HERC4: variants seen among roughly 807,000 people sequenced by gnomAD.
HERC4 encodes HECT and RLD domain containing E3 ubiquitin protein ligase 4, also known as probable E3 ubiquitin-protein ligase HERC4.
HERC4 carries 28 observed loss-of-function variants against 124.3 expected under a neutral mutation model. That is an observed-to-expected ratio of 0.23 (90% confidence interval 0.17 to 0.31). The LOEUF (loss-of-function observed/expected upper bound fraction) is 0.31. HERC4 is among the 10% of genes least tolerant of loss of function. The probability of loss-of-function intolerance (pLI) is 1.00; values close to 1 mark genes in which losing one functional copy is unlikely to be tolerated. For synonymous variants in HERC4, 407 were observed against 421.5 expected (o/e 0.97, Z 0.42); for missense variants, 713 against 1,229.3 (o/e 0.58, Z 6.28).
intron 15 of HERC4, among the ~76,000 whole-genome samples, chr10:67,985,076 A>G (rs1221853997): frequency 6.6e-6 from 1 of 152,238 alleles, no homozygotes; most frequent in Non-Finnish European, 1.5e-5. Context: ...ATATATTCGC[A>G]TAGTAGATAA....
At chr10:68,051,680 A>ACTTTT (rs1356581656) in intron 3 of HERC4, among the ~76,000 whole-genome samples, 2 of 142,270 alleles carry the variant, frequency 1.4e-5, no homozygotes, top group African/African-American at 2.6e-5. Context: ...TATTCTTTCA[A>ACTTTT]CTTTTCTTTT....
At chr10:68,028,385 T>A (rs752904958) in intron 7 of HERC4, among the ~76,000 whole-genome samples, 7 of 152,230 alleles carry the variant, frequency 4.6e-5, no homozygotes, top group Non-Finnish European at 8.8e-5. Context: ...TTCCATTTTT[T>A]GCAGTCATTA....
At chr10:68,071,488 G>A (rs1250118998) in intron 3 of HERC4, among the ~76,000 whole-genome samples, 2 of 152,052 alleles carry the variant, frequency 1.3e-5, no homozygotes, top group Non-Finnish European at 2.9e-5. Flanking sequence ...ATTTCTATGG[G>A]GCATGCTAAA....
chr10:67,927,422 ATATATATATTTTTT>A (rs1564911297), intron 23 of HERC4, among the ~76,000 whole-genome samples: 9 of 7,210 alleles, frequency 1.2e-3, no homozygotes, highest in African/African-American at 3.5e-3. Flanking sequence ...ATATATATAT[ATATATATATTTTTT>A]TTTTTTTTTA....
chr10:68,002,599 C>CT (rs375700847), intron 9 of HERC4, among the ~76,000 whole-genome samples: 59,231 of 132,484 alleles, frequency 0.45, 16,942 homozygotes, highest in Non-Finnish European at 0.64. Context: ...TAAATTTTTA[C>CT]TTTTTTTTTT....
In HERC4 at chr10:67,956,892, C is replaced by T; in HGVS notation, c.2011G>A (p.Val671Ile). 6.4e-7 allele frequency: 1 copy of T among 1,573,440 alleles called. No individual in the cohort carries two copies. Among genetic ancestry groups the T allele is most frequent in the Non-Finnish European group, 8.6e-7 (1 of 1,160,412 alleles). The change falls in exon 17 of 25, where the codon GTC becomes ATC. Residue 671 changes from valine (V) to isoleucine (I), a missense_variant. By Grantham distance (29) the Val-to-Ile change is conservative. Transcript: ENST00000373700. ...AKTTLLQTDA[V>I]LQMQMAIDQA... ...TAATATTTTACCTGCATCTGTAAGA[C>T]TGCATCGGTCTGTAACAGAGTAGTT...
At chr10:68,051,512 T>C (rs2040303773) in intron 3 of HERC4, among the ~76,000 whole-genome samples, 1 of 137,078 alleles carries the variant, frequency 7.3e-6, no homozygotes, top group Admixed American at 6.9e-5. Flanking sequence ...GCCCAGCTAG[T>C]TTTTTTTTGG....
chr10:68,059,132 TA>T (rs1343450739), intron 3 of HERC4, among the ~76,000 whole-genome samples: 3 of 152,052 alleles, frequency 2.0e-5, no homozygotes, highest in African/African-American at 4.8e-5. Flanking sequence ...AAACTGTCTT[TA>T]AAAAAAGTTA....
intron 3 of HERC4, chr10:68,069,353 AACAG>A (rs1401645426): frequency 3.0e-6 from 3 of 984,764 alleles, no homozygotes; most frequent in Admixed American, 6.1e-5. Context: ...ATGAAAGTGA[AACAG>A]ACATTCACTT....
intron 9 of HERC4, among the ~76,000 whole-genome samples, chr10:68,013,363 A>G (rs1589322774): frequency 6.6e-6 from 1 of 152,232 alleles, no homozygotes; most frequent in Admixed American, 6.5e-5. Flanking sequence ...TGAGCCCACA[A>G]TATCTCCAAG....
At chr10:68,038,002 A>G in intron 5 of HERC4, 91 bp downstream of exon 5, 2 of 716,888 alleles carry the variant, frequency 2.8e-6, no homozygotes, top group Non-Finnish European at 4.7e-6. Flanking sequence ...AATCTTGCAG[A>G]AAGATGAGCA....
intron 23 of HERC4, among the ~76,000 whole-genome samples, chr10:67,931,047 G>A (rs192672168): frequency 3.3e-5 from 5 of 152,004 alleles, no homozygotes; most frequent in Non-Finnish European, 7.4e-5. Flanking sequence ...GTGCAGTGGC[G>A]CAATCTCACT....
chr10:67,993,770 C>T (rs1237310894), intron 9 of HERC4: 1 of 152,036 alleles, frequency 6.6e-6, no homozygotes, highest in African/African-American at 2.4e-5. Context: ...TATTCCGGGC[C>T]TCTTTTTTTT....
In HERC4 at chr10:68,059,509, T is replaced by C. The variant is rs111123308; in HGVS notation, c.226+13374A>G. 2.6e-3 allele frequency among the ~76,000 whole-genome samples: 239 copies of C among 92,540 alleles called. 1 individual carries two copies. The highest frequency in any genetic ancestry group is 4.6e-3 in the Middle Eastern group (1 of 218). The allele number at this position is 92,540 out of a possible 152,430, so 60.7% of individuals were successfully genotyped here. ...TATATTATAACATTATATATTATAA[T>C]ATTATATATCATAATAATATTATAT... is the stretch of plus-strand genomic sequence containing the variant. On this transcript the variant is annotated intron_variant, in intron 3 of 24. Transcript: ENST00000373700.
chr10:68,011,482 G>T (rs1040864566), intron 9 of HERC4, among the ~76,000 whole-genome samples: 1 of 152,228 alleles, frequency 6.6e-6, no homozygotes, highest in African/African-American at 2.4e-5. Context: ...CAGAATGGAT[G>T]TTGTATTAGC....
chr10:68,063,402 G>A (rs567271314), intron 3 of HERC4, among the ~76,000 whole-genome samples: 67 of 152,088 alleles, frequency 4.4e-4, no homozygotes, highest in African/African-American at 1.6e-3. Context: ...TAGAGACGGG[G>A]TCTCACTACA....
intron 6 of HERC4, 148 bp downstream of exon 6, chr10:68,033,817 T>C: frequency 1.6e-6 from 1 of 627,248 alleles, no homozygotes; most frequent in Non-Finnish European, 2.7e-6. Context: ...CCCACTGCAT[T>C]CCCCAAATGG....
intron 16 of HERC4, among the ~76,000 whole-genome samples, chr10:67,958,091 G>C (rs1182024481): frequency 6.6e-6 from 1 of 152,192 alleles, no homozygotes; most frequent in Non-Finnish European, 1.5e-5. Context: ...ACAGGCGTGA[G>C]CCACTGTGCC....
At chr10:67,972,216 A>C (rs2132514864) in intron 15 of HERC4, among the ~76,000 whole-genome samples, 1 of 145,282 alleles carries the variant, frequency 6.9e-6, no homozygotes, top group East Asian at 2.0e-4. Context: ...CTCTGTCTCA[A>C]AGGAAAAAAA....
Sources: gnomAD v4.1 joint callset for allele counts (sites outside exome capture counted in the v4.1 genomes callset) on GRCh38, gnomAD v4.1.1 for gene constraint, MANE v1.5 for transcripts, NCBI Gene and HGNC (gene_info 2026-07-23, HGNC 2026-07-21) for gene names.